The following SSX5 variants were observed in gnomAD, a reference collection of about 807,000 sequenced individuals.
SSX5 encodes the protein protein SSX5.
In SSX5, 14 loss-of-function variants were observed where a neutral mutation model predicts 14.9. That is an observed-to-expected ratio of 0.94 (90% CI 0.62 to 1.47). The LOEUF (loss-of-function observed/expected upper bound fraction) is 1.47, where lower values mean the gene tolerates loss of function less well. Ranked by LOEUF, SSX5 falls within the 40% of genes most tolerant of loss-of-function variation. The pLI is 0.00. For synonymous variants in SSX5, 70 were observed against 55.4 expected, an observed-to-expected ratio of 1.26 and a Z score of -1.17; for missense variants, 204 against 154.6, an observed-to-expected ratio of 1.32 and a Z score of -1.70.
chrX:48,192,392 G>T (rs1556924969), intron 4 of SSX5, 111 bp from the exon 5 acceptor site: 2 of 1,060,498 alleles, frequency 1.9e-6, no homozygotes, highest in Admixed American at 2.2e-5. Flanking sequence ...TCCACTGATT[G>T]TTGAGGAGTT....
chrX:48,196,152 G>T (rs1298354183), intron 1 of SSX5, among the ~76,000 whole-genome samples: 1 of 110,809 alleles, frequency 9.0e-6, no homozygotes, highest in Non-Finnish European at 1.9e-5. Context: ...GCTGGGGGTG[G>T]TGTAGCAGGC....
Position 48,186,367 on chromosome X carries a change from T to G in SSX5, c.*494A>C, listed in dbSNP as rs202051434. 0.13 allele frequency: 1,797 copies of G among 14,342 alleles called. 50 individuals carry two copies. The highest frequency in any genetic ancestry group is 0.24 in the African/African-American group (1,685 of 7,062). The allele number at this position is 14,342 out of a possible 1,213,427, so 1.2% of individuals were successfully genotyped here. Reference sequence around the variant, plus strand: ...GGGAGATGCCTATACTGGTACTTGGTGTGTGTGTGTGTGTGTGTGTGTGTG... The same window carrying G: ...GGGAGATGCCTATACTGGTACTTGGGGTGTGTGTGTGTGTGTGTGTGTGTG... On this transcript the variant is annotated 3_prime_UTR_variant, in exon 8 of 8. Coordinates refer to ENST00000347757, the MANE Select transcript of SSX5 (RefSeq NM_175723.2).
intron 5 of SSX5, among the ~76,000 whole-genome samples, chrX:48,191,492 T>C (rs782657859): frequency 1.8e-5 from 2 of 110,906 alleles, no homozygotes; most frequent in South Asian, 3.8e-4. Context: ...ATGCCCCAGG[T>C]GCAGACAAGG....
At position 48,187,146 on chromosome X, in the gene SSX5, G is replaced by C. The variant is rs560040083; in HGVS notation, c.*5-290C>G. ...TGGGTAGGGAGGATCCCTGGATATA[G>C]AGGGCAGGGAGTAGAAAGAGCATGG... is the stretch of plus-strand genomic sequence containing the variant. On this transcript the variant is annotated intron_variant, in intron 7 of 7. Coordinates refer to ENST00000347757, the MANE Select transcript of SSX5 (RefSeq NM_175723.2). Among the ~76,000 whole-genome samples, 5 of 111,795 alleles carry C rather than the reference G, an allele frequency of 4.5e-5. No individual in the cohort carries two copies. In the East Asian group the frequency reaches 8.4e-4, roughly 19 times the overall value.
intron 2 of SSX5, 81 bp from the exon 3 acceptor site, chrX:48,194,935 G>T: frequency 1.7e-6 from 2 of 1,208,605 alleles, no homozygotes; most frequent in Non-Finnish European, 2.2e-6. Flanking sequence ...CTGTGTGCTG[G>T]ATCTGGGAAG....
At chrX:48,190,858 A>G (rs782345325) in intron 5 of SSX5, among the ~76,000 whole-genome samples, 2 of 111,527 alleles carry the variant, frequency 1.8e-5, no homozygotes, top group South Asian at 3.8e-4. Flanking sequence ...GGTGGTACCC[A>G]TAACAATTCT....
intron 5 of SSX5, 99 bp downstream of exon 5, chrX:48,192,133 A>C: frequency 8.6e-7 from 1 of 1,161,695 alleles, no homozygotes; most frequent in Non-Finnish European, 1.2e-6. Flanking sequence ...AGGGAGAAGA[A>C]GGCAGTGAGG....
At chrX:48,190,347 A>G (rs1378185825) in intron 5 of SSX5, 79 bp from the exon 6 acceptor site, 2 of 1,070,369 alleles carry the variant, frequency 1.9e-6, no homozygotes, top group South Asian at 2.5e-5. Context: ...GAATCTTCAC[A>G]TGCATTACCT....
intron 6 of SSX5, 72 bp from the exon 7 acceptor site, chrX:48,187,803 G>C: frequency 1.8e-6 from 2 of 1,136,629 alleles, no homozygotes. Context: ...GAGAGTGTTA[G>C]GCTCTGTTTT....
At chrX:48,195,460 C>A (rs1400706143) in intron 1 of SSX5, 82 bp from the exon 2 acceptor site, 5 of 948,868 alleles carry the variant, frequency 5.3e-6, no homozygotes, top group Non-Finnish European at 7.4e-6. Context: ...TCTGGCCACA[C>A]TCAGTCACCT....
chrX:48,189,199 C>G (rs1449999327), intron 6 of SSX5, among the ~76,000 whole-genome samples: 1 of 112,136 alleles, frequency 8.9e-6, no homozygotes, highest in African/African-American at 3.2e-5. Flanking sequence ...ATGAAGGTGG[C>G]TACACTAAAC....
chrX:48,195,263 T>C (rs782580397), intron 2 of SSX5, 27 bp downstream of exon 2: 19 of 1,206,223 alleles, frequency 1.6e-5, no homozygotes. Context: ...CCTGGGCCAC[T>C]ACTATGCCCC....
Position 48,194,157 on chromosome X carries a change from A to T in SSX5, c.252T>A (p.Phe84Leu). The change falls in exon 4 of 8, where the codon TTT becomes TTA. Residue 84 changes from phenylalanine (F) to leucine (L), a missense_variant. Physicochemically the swap from Phe to Leu is conservative, Grantham distance 22 (BLOSUM62 0). Coordinates refer to ENST00000347757, the MANE Select transcript of SSX5 (RefSeq NM_175723.2). ...GATTCCCACGGTTAGGGTCATTATC[A>T]AAATCATTCCCCTGGAAGTCTGCGA... ...KRVADFQGND[F>L]DNDPNRGNQV... is the part of the protein sequence containing the mutation. 5 of 1,210,766 alleles carry T rather than the reference A, an allele frequency of 4.1e-6. No homozygotes were observed. The highest frequency in any genetic ancestry group is 5.6e-6 in the Non-Finnish European group (5 of 895,155).
intron 6 of SSX5, among the ~76,000 whole-genome samples, chrX:48,188,325 C>T (rs1294438115): frequency 2.7e-5 from 3 of 112,365 alleles, no homozygotes; most frequent in East Asian, 5.5e-4. Flanking sequence ...CATGCAAATG[C>T]GTAAAAATCA....
chrX:48,190,572 T>C (rs2059416064), intron 5 of SSX5, among the ~76,000 whole-genome samples: 2 of 111,810 alleles, frequency 1.8e-5, no homozygotes, highest in Non-Finnish European at 3.8e-5. Context: ...ATTTGGAGCA[T>C]AGCATTCTAA....
chrX:48,187,491 T>A (rs1465724202), intron 7 of SSX5, 136 bp downstream of exon 7: 3 of 827,802 alleles, frequency 3.6e-6, no homozygotes, highest in Non-Finnish European at 5.2e-6. Flanking sequence ...AATTTCATCA[T>A]TCAGCCTCAA....
chrX:48,191,218 A>G (rs1412749094), intron 5 of SSX5, among the ~76,000 whole-genome samples: 1 of 111,417 alleles, frequency 9.0e-6, no homozygotes, highest in Non-Finnish European at 1.9e-5. Flanking sequence ...GCTACTTTTT[A>G]TTCAGCTTCC....
At chrX:48,193,659 G>C (rs2059428563) in intron 4 of SSX5, among the ~76,000 whole-genome samples, 1 of 111,025 alleles carries the variant, frequency 9.0e-6, no homozygotes, top group Non-Finnish European at 1.9e-5. Flanking sequence ...TGAGACAGGA[G>C]AATCACTTGA....
intron 6 of SSX5, among the ~76,000 whole-genome samples, chrX:48,188,768 T>C (rs2059408519): frequency 8.9e-6 from 1 of 112,481 alleles, no homozygotes; most frequent in South Asian, 3.7e-4. Context: ...GCTAAGCCTC[T>C]TGCACCAAAC....
Sources: allele counts gnomAD v4.1 joint callset (sites outside exome capture counted in the v4.1 genomes callset), GRCh38; gene constraint gnomAD v4.1.1; transcripts MANE v1.5; gene names NCBI Gene and HGNC (gene_info 2026-07-23, HGNC 2026-07-21).